Variants in SPECC1L observed in about 807,000 individuals in gnomAD.
SPECC1L encodes the protein sperm antigen with calponin homology and coiled-coil domains 1 like, also known as cytospin-A.
Under a neutral mutation model 116.8 loss-of-function variants are expected in SPECC1L, and 40 were observed. The observed-to-expected ratio is 0.34, with a 90% CI of 0.27 to 0.45. The LOEUF (loss-of-function observed/expected upper bound fraction) is 0.45, where lower values mean the gene tolerates loss of function less well. Among genes scored for constraint, SPECC1L ranks in the 20% least tolerant of loss-of-function variants. SPECC1L has a pLI of 1.00. For synonymous variants in SPECC1L, 504 were observed against 500.6 expected, an observed-to-expected ratio of 1.01 and a Z score of -0.09; for missense variants, 1,110 against 1,373.6, an observed-to-expected ratio of 0.81 and a Z score of 3.03.
At chr22:24,408,377 G>A (rs1405810177) in intron 14 of SPECC1L, among the ~76,000 whole-genome samples, 3 of 152,248 alleles carry the variant, frequency 2.0e-5, no homozygotes, top group Non-Finnish European at 4.4e-5. Flanking sequence ...ATGGAGGGCG[G>A]GCCAGGCCTC....
intron 11 of SPECC1L, among the ~76,000 whole-genome samples, chr22:24,362,700 A>G (rs2041669597): frequency 6.6e-6 from 1 of 152,176 alleles, no homozygotes; most frequent in East Asian, 1.9e-4. Flanking sequence ...TTGTTGGCTA[A>G]AATCTAGTTC....
intron 12 of SPECC1L, among the ~76,000 whole-genome samples, chr22:24,363,922 G>T (rs1045384539): frequency 6.8e-6 from 1 of 147,762 alleles, no homozygotes; most frequent in Non-Finnish European, 1.5e-5. Context: ...GGGCGGTGGG[G>T]GTGGGGGTGG....
At chr22:24,412,074 G>A (rs2042709213) in intron 15 of SPECC1L, 1 of 391,180 alleles carries the variant, frequency 2.6e-6, no homozygotes, top group Middle Eastern at 8.5e-4. Context: ...CTTGAGGAGG[G>A]CTGTCACTCC....
intron 2 of SPECC1L, among the ~76,000 whole-genome samples, chr22:24,291,060 G>C (rs1352566942): frequency 6.6e-6 from 1 of 152,056 alleles, no homozygotes; most frequent in Non-Finnish European, 1.5e-5. Context: ...TTTTAAGTCT[G>C]TTCTTAATTT....
chr22:24,382,947 A>T (rs965379629), intron 14 of SPECC1L, among the ~76,000 whole-genome samples: 1 of 152,202 alleles, frequency 6.6e-6, no homozygotes, highest in Non-Finnish European at 1.5e-5. Flanking sequence ...TTTGCTGTTA[A>T]GGTATTTTTC....
intron 14 of SPECC1L, among the ~76,000 whole-genome samples, chr22:24,380,322 C>A (rs2042042221): frequency 2.6e-5 from 4 of 152,162 alleles, no homozygotes; most frequent in Admixed American, 2.6e-4. Flanking sequence ...TGGTTCTGTC[C>A]TTTGGTCTCT....
chr22:24,412,813 C>G (rs1299958330), intron 16 of SPECC1L, 106 bp downstream of exon 16: 10 of 1,269,950 alleles, frequency 7.9e-6, no homozygotes, highest in Admixed American at 1.7e-5. Flanking sequence ...GTGTGGCTGC[C>G]TGGTAAAAGG....
At chr22:24,399,461 T>C (rs2146770943) in intron 14 of SPECC1L, among the ~76,000 whole-genome samples, 1 of 152,070 alleles carries the variant, frequency 6.6e-6, no homozygotes, top group Middle Eastern at 3.4e-3. Flanking sequence ...TCCCAGCTGC[T>C]CAGGAGGCTG....
intron 4 of SPECC1L, among the ~76,000 whole-genome samples, chr22:24,314,740 C>T (rs1318340935): frequency 2.0e-5 from 3 of 152,200 alleles, no homozygotes; most frequent in Non-Finnish European, 4.4e-5. Context: ...CCTTATGGGA[C>T]AGATTCAGGT....
At chr22:24,366,439 C>A (rs375750215) in intron 13 of SPECC1L, among the ~76,000 whole-genome samples, 10 of 152,186 alleles carry the variant, frequency 6.6e-5, no homozygotes, top group African/African-American at 2.2e-4. Flanking sequence ...GTGATCCACC[C>A]GCCTCGGCCT....
intron 12 of SPECC1L, 54 bp from the exon 13 acceptor site, chr22:24,365,422 G>A (rs947378924): frequency 8.3e-6 from 13 of 1,566,400 alleles, no homozygotes; most frequent in African/African-American, 1.4e-5. Context: ...AAAATCTCAA[G>A]AACTCAGTCT....
chr22:24,335,713 G>A (rs1249071535), intron 9 of SPECC1L, among the ~76,000 whole-genome samples: 1 of 152,126 alleles, frequency 6.6e-6, no homozygotes, highest in East Asian at 1.9e-4. Context: ...CCTACACACT[G>A]TTGGTGTAGA....
At chr22:24,396,801 C>CT (rs1333234303) in intron 14 of SPECC1L, among the ~76,000 whole-genome samples, 1 of 152,164 alleles carries the variant, frequency 6.6e-6, no homozygotes, top group Non-Finnish European at 1.5e-5. Context: ...CCTCAACACT[C>CT]TTTATCTGGC....
At chr22:24,376,772 A>G (rs2041979122) in intron 14 of SPECC1L, among the ~76,000 whole-genome samples, 1 of 152,178 alleles carries the variant, frequency 6.6e-6, no homozygotes, top group African/African-American at 2.4e-5. Context: ...AGTTGGTTGT[A>G]GAACTGAAAC....
intron 11 of SPECC1L, among the ~76,000 whole-genome samples, chr22:24,362,839 A>T (rs2041672044): frequency 6.6e-6 from 1 of 152,112 alleles, no homozygotes; most frequent in Non-Finnish European, 1.5e-5. Context: ...TACTCTAATT[A>T]TCCCATCCTG....
At chr22:24,296,418 A>G (rs1459007686) in intron 2 of SPECC1L, among the ~76,000 whole-genome samples, 1 of 152,230 alleles carries the variant, frequency 6.6e-6, no homozygotes, top group Non-Finnish European at 1.5e-5. Context: ...GGCATACTTC[A>G]TGGACTATTG....
chr22:24,345,727 C>A (rs990019375), intron 10 of SPECC1L, among the ~76,000 whole-genome samples: 4 of 152,170 alleles, frequency 2.6e-5, no homozygotes, highest in African/African-American at 7.2e-5. Context: ...CTATATTCTT[C>A]CAAATGGCCA....
chr22:24,349,698 C>A (rs1336268433), intron 11 of SPECC1L, among the ~76,000 whole-genome samples: 1 of 152,170 alleles, frequency 6.6e-6, no homozygotes, highest in Non-Finnish European at 1.5e-5. Flanking sequence ...CCTTAACTCC[C>A]GTCTTCATCT....
At chr22:24,299,631 A>G (rs1351426790) in intron 2 of SPECC1L, among the ~76,000 whole-genome samples, 1 of 152,090 alleles carries the variant, frequency 6.6e-6, no homozygotes, top group Non-Finnish European at 1.5e-5. Flanking sequence ...CAGCATTGGC[A>G]TATATTTTCC....
Sources: gnomAD v4.1 joint callset for allele counts (sites outside exome capture counted in the v4.1 genomes callset) on GRCh38, gnomAD v4.1.1 for gene constraint, MANE v1.5 for transcripts, NCBI Gene and HGNC (gene_info 2026-07-23, HGNC 2026-07-21) for gene names.